Variants in NBEA observed in about 807,000 individuals in gnomAD.
The protein encoded by NBEA is neurobeachin, also known as lysosomal-trafficking regulator 2.
Under a neutral mutation model 343.4 loss-of-function variants are expected in NBEA, and 44 were observed. The ratio of observed to expected loss-of-function variants is 0.13; its 90% CI spans 0.10 to 0.16. The LOEUF (loss-of-function observed/expected upper bound fraction) is 0.16. Among genes scored for constraint, NBEA ranks in the 10% least tolerant of loss-of-function variants. The pLI, the probability that NBEA is intolerant of heterozygous loss-of-function variation, is 1.00. For missense variants in NBEA, 2,555 were observed against 3,631.3 expected (o/e 0.70, Z 7.62); for synonymous variants, 1,175 against 1,238.7 (o/e 0.95, Z 1.08).
chr13:35,055,873 A>G (rs2063238207), intron 6 of NBEA, 137 bp from the exon 7 acceptor site: 2 of 461,476 alleles, frequency 4.3e-6, no homozygotes, highest in Non-Finnish European at 6.8e-6. Flanking sequence ...GAGAGGGGGA[A>G]CTTGATCAAG....
intron 10 of NBEA, among the ~76,000 whole-genome samples, chr13:35,088,211 T>C (rs895260985): frequency 1.1e-4 from 16 of 151,854 alleles, no homozygotes; most frequent in African/African-American, 3.4e-4. Context: ...CAGTGAGCAA[T>C]TGGATATTGT....
chr13:34,977,945 AG>A (rs2060234556), intron 1 of NBEA, among the ~76,000 whole-genome samples: 1 of 152,088 alleles, frequency 6.6e-6, no homozygotes, highest in Admixed American at 6.6e-5. Context: ...CCTCCTGAAT[AG>A]CTCCCATTAT....
intron 38 of NBEA, among the ~76,000 whole-genome samples, chr13:35,424,894 G>A (rs552869885): frequency 5.1e-4 from 77 of 152,136 alleles, no homozygotes; most frequent in Admixed American, 1.2e-3. Flanking sequence ...TGTATGTGTC[G>A]AGGAATTTAT....
rs538529822 is a variant in NBEA, at chr13:35,055,900, TTAA to T, written c.973-107_973-105del. 192 of 815,766 alleles carry T rather than the reference TTAA, an allele frequency of 2.4e-4. 1 individual carries two copies. The African/African-American group carries it at 3.1e-3, about 13-fold the overall frequency. 50.5% of individuals were successfully genotyped at this position (815,766 alleles called of 1,614,324 possible). On this transcript the variant is annotated intron_variant, in intron 6 of 58. Coordinates refer to ENST00000379939, the MANE Select transcript of NBEA (RefSeq NM_001385012.1). ...TTGATCAAGTGGTATTAGATGATCC[TTAA>T]TAGTCCTGTCAGCATATTCTTGTAG...
intron 45 of NBEA, among the ~76,000 whole-genome samples, chr13:35,582,332 C>T (rs1489855559): frequency 6.6e-6 from 1 of 151,946 alleles, no homozygotes; most frequent in Non-Finnish European, 1.5e-5. Context: ...AAACTCATTA[C>T]TTCAATTCCG....
intron 48 of NBEA, among the ~76,000 whole-genome samples, chr13:35,616,784 G>C (rs728991): frequency 0.069 from 10,472 of 152,216 alleles, 410 homozygotes; most frequent in African/African-American, 0.092. Flanking sequence ...ATTTACTCCT[G>C]ATACTAATAT....
At chr13:35,538,054 A>G (rs939084390) in intron 41 of NBEA, among the ~76,000 whole-genome samples, 1 of 152,202 alleles carries the variant, frequency 6.6e-6, no homozygotes, top group Non-Finnish European at 1.5e-5. Flanking sequence ...TCATGATAGC[A>G]TGGCTCTGAT....
intron 48 of NBEA, among the ~76,000 whole-genome samples, chr13:35,608,736 T>C (rs2082386795): frequency 6.6e-6 from 1 of 152,196 alleles, no homozygotes; most frequent in African/African-American, 2.4e-5. Flanking sequence ...GGACCAATGC[T>C]TTTGTTGATC....
intron 1 of NBEA, among the ~76,000 whole-genome samples, chr13:35,024,834 A>C (rs1171113271): frequency 6.6e-6 from 1 of 152,098 alleles, no homozygotes; most frequent in Admixed American, 6.6e-5. Flanking sequence ...CTTTGCTAAC[A>C]TCTATTATTT....
intron 11 of NBEA, among the ~76,000 whole-genome samples, chr13:35,105,406 A>G (rs948169863): frequency 2.0e-5 from 3 of 152,022 alleles, no homozygotes; most frequent in Non-Finnish European, 4.4e-5. Flanking sequence ...TAATGTCATC[A>G]GAGACCCAGG....
intron 41 of NBEA, among the ~76,000 whole-genome samples, chr13:35,500,811 A>T (rs2076859793): frequency 6.6e-6 from 1 of 151,808 alleles, no homozygotes. Flanking sequence ...GAGGCTTTGC[A>T]AAGACCAGTT....
intron 34 of NBEA, among the ~76,000 whole-genome samples, chr13:35,253,066 C>T (rs2032160637): frequency 6.6e-6 from 1 of 152,160 alleles, no homozygotes; most frequent in African/African-American, 2.4e-5. Flanking sequence ...TCACAGACTG[C>T]TCTTCTCAAA....
intron 40 of NBEA, among the ~76,000 whole-genome samples, chr13:35,458,184 A>C (rs1161446823): frequency 2.0e-5 from 3 of 152,194 alleles, no homozygotes; most frequent in Non-Finnish European, 4.4e-5. Context: ...CATCAGCGGC[A>C]TGTGAGGGTT....
intron 1 of NBEA, among the ~76,000 whole-genome samples, chr13:35,024,031 A>G (rs952997615): frequency 4.6e-5 from 7 of 152,080 alleles, no homozygotes; most frequent in African/African-American, 1.2e-4. Context: ...TTATGTCCAC[A>G]TGCACTCCAT....
chr13:35,635,287 G>A (rs535433881), intron 49 of NBEA, among the ~76,000 whole-genome samples: 3 of 152,122 alleles, frequency 2.0e-5, no homozygotes, highest in South Asian at 4.2e-4. Context: ...CCCGATCTGC[G>A]TGAATGAGTT....
At chr13:35,582,489 G>T (rs2153037473) in intron 45 of NBEA, among the ~76,000 whole-genome samples, 1 of 152,038 alleles carries the variant, frequency 6.6e-6, no homozygotes, top group African/African-American at 2.4e-5. Context: ...GAGAGATAAT[G>T]AAATTTAACA....
In NBEA at chr13:35,040,801, T is replaced by G. The variant is rs543825747; in HGVS notation, c.295-132T>G. Reference sequence around the variant, plus strand: ...TTATTTGTAGCTCTTATACTTTTGATCAAAATTAATTTTATACCAGAATCC... The same window carrying G: ...TTATTTGTAGCTCTTATACTTTTGAGCAAAATTAATTTTATACCAGAATCC... On this transcript the variant is annotated intron_variant, in intron 1 of 58. Coordinates refer to ENST00000379939, the MANE Select transcript of NBEA (RefSeq NM_001385012.1). 111 of 714,660 alleles carry G rather than the reference T, an allele frequency of 1.6e-4. 1 individual carries two copies. The South Asian group carries it at 2.1e-3, about 13-fold the overall frequency. The allele number at this position is 714,660 out of a possible 1,614,324, so 44.3% of individuals were successfully genotyped here. A position where few individuals can be genotyped will look rare whatever the true frequency, so the allele number is the denominator to read the frequency against.
chr13:35,438,749 G>A (rs2045577984), intron 39 of NBEA, among the ~76,000 whole-genome samples: 1 of 152,150 alleles, frequency 6.6e-6, no homozygotes, highest in African/African-American at 2.4e-5. Flanking sequence ...TTTGGTGTCA[G>A]TGTCATATTT....
At chr13:34,943,740 A>G (rs998661903) in intron 1 of NBEA, among the ~76,000 whole-genome samples, 2 of 152,216 alleles carry the variant, frequency 1.3e-5, no homozygotes, top group African/African-American at 4.8e-5. Context: ...TGCCCTGAAT[A>G]TACTGATCTC....
Sources: gnomAD v4.1 joint callset for allele counts (sites outside exome capture counted in the v4.1 genomes callset) on GRCh38, gnomAD v4.1.1 for gene constraint, MANE v1.5 for transcripts, NCBI Gene and HGNC (gene_info 2026-07-23, HGNC 2026-07-21) for gene names.